The following DOCK11 variants were observed in gnomAD, a reference collection of about 807,000 sequenced individuals.
DOCK11 encodes the protein dedicator of cytokinesis 11.
A neutral mutation model predicts 169.1 loss-of-function variants in DOCK11; 70 were observed. That is an observed-to-expected ratio of 0.41 (90% CI 0.34 to 0.51). The LOEUF (loss-of-function observed/expected upper bound fraction) is 0.51. Ranked by LOEUF, DOCK11 falls within the 20% of genes least tolerant of loss-of-function variation. The pLI, the probability that DOCK11 is intolerant of heterozygous loss-of-function variation, is 0.10. For synonymous variants in DOCK11, 529 were observed against 541.3 expected (o/e 0.98, Z 0.32); for missense variants, 1,166 against 1,538.8 (o/e 0.76, Z 4.05).
At chrX:118,577,968 T>C (rs1056676994) in intron 12 of DOCK11, among the ~76,000 whole-genome samples, 2 of 111,817 alleles carry the variant, frequency 1.8e-5, no homozygotes, top group South Asian at 7.4e-4. Flanking sequence ...AAAAATGTAA[T>C]TTTGGTTGCA....
At chrX:118,499,105 G>T (rs771517792) in intron 1 of DOCK11, among the ~76,000 whole-genome samples, 36 of 112,307 alleles carry the variant, frequency 3.2e-4, no homozygotes, top group Middle Eastern at 4.6e-3. Flanking sequence ...ACCTGAGAGT[G>T]TATGTGATTA....
chrX:118,518,501 G>C (rs1410279726), intron 1 of DOCK11, among the ~76,000 whole-genome samples: 1 of 111,832 alleles, frequency 8.9e-6, no homozygotes, highest in African/African-American at 3.3e-5. Flanking sequence ...TTGAGCCCAG[G>C]AGTTCAAGTC....
At position 118,676,593 on chromosome X, in the gene DOCK11, T is replaced by A. The variant is rs1392378128; in HGVS notation, c.5316T>A (p.Ser1772=). 8.9e-7 allele frequency: 1 copy of A among 1,122,062 alleles called. No homozygotes were observed. The highest frequency in any genetic ancestry group is 1.2e-6 in the Non-Finnish European group (1 of 839,921). The allele number at this position is 1,122,062 out of a possible 1,213,427, so 92.5% of individuals were successfully genotyped here. The stretch of plus-strand genomic sequence containing the variant: ...TTATTTGTTTAACTTTATAATAGTC[T>A]TTTTTTGAAGAAGAAGATGGAAAGG... ...TFFRVAFYGQ[S]FFEEEDGKEY... The change falls in exon 48 of 53, where the codon TCT becomes TCA. Residue 1772 remains serine (S), a splice_region_variant and synonymous_variant. Transcript: ENST00000276202.
In DOCK11 at chrX:118,607,961, A is replaced by T. The variant is rs932395483; in HGVS notation, c.2682-111A>T. On this transcript the variant is annotated intron_variant, in intron 24 of 52. Coordinates refer to ENST00000276202, the MANE Select transcript of DOCK11 (RefSeq NM_144658.4). ...ATCTAATGCAATCATCTCACTTTTAATTATTCAGGCAGTGTTAGATGTTTT... is the reference window on the plus strand; with the variant it reads ...ATCTAATGCAATCATCTCACTTTTATTTATTCAGGCAGTGTTAGATGTTTT... 9 of 592,640 alleles carry T rather than the reference A, an allele frequency of 1.5e-5. 1 individual carries two copies. The highest frequency in any genetic ancestry group is 1.0e-4 in the South Asian group (3 of 29,738). 48.8% of individuals were successfully genotyped at this position (592,640 alleles called of 1,213,427 possible).
chrX:118,572,345 A>T lies in DOCK11; in HGVS notation c.1058A>T (p.Glu353Val). Reference sequence around the variant, plus strand: ...TAGAGGTTGGACTTTTCAGGAATTGAACCTGATATAAAGCCATTTGAAGAA... The same window carrying T: ...TAGAGGTTGGACTTTTCAGGAATTGTACCTGATATAAAGCCATTTGAAGAA... ...EVQRLDFSGI[E>V]PDIKPFEEKC... is the part of the protein sequence containing the mutation. Residue 353 changes from glutamate (E) to valine (V), a missense_variant, in exon 11 of 53, where the codon GAA becomes GTA. Coordinates refer to ENST00000276202, the MANE Select transcript of DOCK11 (RefSeq NM_144658.4). 1.7e-6 allele frequency: 2 copies of T among 1,196,411 alleles called. No homozygotes were observed. Among genetic ancestry groups the T allele is most frequent in the Non-Finnish European group, 2.3e-6 (2 of 885,670 alleles).
At chrX:118,498,177 A>C (rs2057550298) in intron 1 of DOCK11, among the ~76,000 whole-genome samples, 1 of 112,452 alleles carries the variant, frequency 8.9e-6, no homozygotes, top group Admixed American at 9.4e-5. Context: ...AGTGAGGGAG[A>C]ACAGATTCTA....
rs962264919 is a variant in DOCK11, at chrX:118,610,554, G to A, written c.3096+136G>A. ...TGGAAAACTTAGGTTGCTTACAAACGTTGGCTATTGTGAACAGTGCTGCAA... is the reference window on the plus strand; with the variant it reads ...TGGAAAACTTAGGTTGCTTACAAACATTGGCTATTGTGAACAGTGCTGCAA... On this transcript the variant is annotated intron_variant, in intron 28 of 52. Transcript: ENST00000276202. 3.3e-5 allele frequency: 21 copies of A among 644,596 alleles called. No individual in the cohort carries two copies. In the South Asian group the frequency reaches 4.2e-4, roughly 13 times the overall value. The allele number at this position is 644,596 out of a possible 1,213,427, so 53.1% of individuals were successfully genotyped here. A position where few individuals can be genotyped will look rare whatever the true frequency, so the allele number is the denominator to read the frequency against.
Position 118,608,147 on chromosome X carries a change from T to C in DOCK11, c.2751+6T>C, listed in dbSNP as rs1279050603. On this transcript the variant is annotated splice_donor_region_variant and intron_variant, in intron 25 of 52. Coordinates refer to ENST00000276202, the MANE Select transcript of DOCK11 (RefSeq NM_144658.4). ...ATCTAAGATCATTCATAAAGGTTTGTGGAGTAAAGTTTCTTTCTGAGCAAT... is the reference window on the plus strand; with the variant it reads ...ATCTAAGATCATTCATAAAGGTTTGCGGAGTAAAGTTTCTTTCTGAGCAAT... 4.2e-6 allele frequency: 5 copies of C among 1,195,738 alleles called. No individual in the cohort carries two copies. The highest frequency in any genetic ancestry group is 5.6e-6 in the Non-Finnish European group (5 of 889,131).
intron 1 of DOCK11, among the ~76,000 whole-genome samples, chrX:118,538,280 A>T (rs1016660163): frequency 3.6e-5 from 4 of 111,971 alleles, no homozygotes; most frequent in African/African-American, 1.3e-4. Flanking sequence ...TAGACAGATG[A>T]ACTTAGGCCT....
intron 1 of DOCK11, among the ~76,000 whole-genome samples, chrX:118,502,880 CG>C (rs1016062149): frequency 9.0e-6 from 1 of 110,601 alleles, no homozygotes; most frequent in Non-Finnish European, 1.9e-5. Flanking sequence ...GCCGAGAAGC[CG>C]GGGGCTGTGT....
intron 17 of DOCK11, 33 bp from the exon 18 acceptor site, chrX:118,588,380 G>C (rs1339648231): frequency 8.6e-7 from 1 of 1,166,616 alleles, no homozygotes. Flanking sequence ...TCTGCTAATT[G>C]TGTGACTCAT....
intron 1 of DOCK11, among the ~76,000 whole-genome samples, chrX:118,503,884 A>C (rs924885415): frequency 9.0e-6 from 1 of 111,257 alleles, no homozygotes; most frequent in Non-Finnish European, 1.9e-5. Context: ...CCAGACTTCC[A>C]GTTAGAATGG....
At chrX:118,560,941 A>T (rs1430918137) in intron 6 of DOCK11, among the ~76,000 whole-genome samples, 1 of 111,182 alleles carries the variant, frequency 9.0e-6, no homozygotes, top group Non-Finnish European at 1.9e-5. Context: ...AGTGTAGATG[A>T]GTACATGTGT....
chrX:118,527,898 C>T (rs780672473), intron 1 of DOCK11, among the ~76,000 whole-genome samples: 1 of 112,125 alleles, frequency 8.9e-6, no homozygotes, highest in South Asian at 3.7e-4. Flanking sequence ...GTAGCCCATC[C>T]AAGAATTGAC....
intron 42 of DOCK11, among the ~76,000 whole-genome samples, chrX:118,653,990 A>G (rs1317534627): frequency 1.8e-5 from 2 of 112,274 alleles, no homozygotes; most frequent in African/African-American, 6.5e-5. Context: ...CCATTTGTGT[A>G]AACAGAAATT....
rs377535991 is a variant in DOCK11 at position 118,614,692 on chromosome X, C to T, written c.3097C>T (p.Arg1033Cys). ...VNYSLASFLKRCLTLMDRGFI... is the reference protein window; with the variant it reads ...VNYSLASFLKCCLTLMDRGFI... ...CTTAGTTTTGTTTTGGTTTCTATAG[C>T]GCTGTTTGACACTAATGGATAGAGG... Residue 1033 changes from arginine to cysteine, a missense_variant and splice_region_variant, in exon 29 of 53, where the codon CGC becomes TGC. Arg to Cys is a radical substitution (Grantham distance 180). Coordinates refer to ENST00000276202, the MANE Select transcript of DOCK11 (RefSeq NM_144658.4). 3.4e-6 allele frequency: 4 copies of T among 1,165,828 alleles called. No individual in the cohort carries two copies. Among genetic ancestry groups the T allele is most frequent in the Non-Finnish European group, 4.7e-6 (4 of 859,061 alleles).
chrX:118,549,980 T>C (rs1218469409), intron 6 of DOCK11, among the ~76,000 whole-genome samples: 1 of 112,198 alleles, frequency 8.9e-6, no homozygotes, highest in East Asian at 2.8e-4. Flanking sequence ...TTTTCCATTA[T>C]AAATTATGAA....
rs2015890944 is a variant in DOCK11 at position 118,649,270 on chromosome X, T to C, written c.4581+143T>C. The C allele has an allele frequency of 7.2e-6, 3 of 419,324 alleles. No individual in the cohort carries two copies. In the South Asian group the frequency reaches 2.3e-4, roughly 32 times the overall value. 34.6% of individuals were successfully genotyped at this position (419,324 alleles called of 1,213,427 possible). A position where few individuals can be genotyped will look rare whatever the true frequency, so the allele number is the denominator to read the frequency against. On this transcript the variant is annotated intron_variant, in intron 41 of 52. Transcript: ENST00000276202. ...GTGGCTAGTCTAAATTTAGATGTTC[T>C]GAAAGTGTAAAATATACTATGGCTT...
chrX:118,497,096 G>A (rs1419786119), intron 1 of DOCK11, among the ~76,000 whole-genome samples: 1 of 112,684 alleles, frequency 8.9e-6, no homozygotes, highest in Non-Finnish European at 1.9e-5. Context: ...ATTAGTGTTT[G>A]TTTTGTTACT....
Sources: gnomAD v4.1 joint callset for allele counts (sites outside exome capture counted in the v4.1 genomes callset) on GRCh38, gnomAD v4.1.1 for gene constraint, MANE v1.5 for transcripts, NCBI Gene and HGNC (gene_info 2026-07-23, HGNC 2026-07-21) for gene names.